HDAC8: variants seen among roughly 807,000 people sequenced by gnomAD.
HDAC8 encodes histone deacetylase 8.
In HDAC8, 1 loss-of-function variant was observed where a neutral mutation model predicts 32.2. The observed-to-expected ratio is 0.03, with a 90% CI of 0.01 to 0.15. The LOEUF is 0.15. Among genes scored for constraint, HDAC8 ranks in the 10% least tolerant of loss-of-function variants. The pLI, the probability that HDAC8 is intolerant of heterozygous loss-of-function variation, is 1.00. For missense variants in HDAC8, 117 were observed against 300.0 expected (o/e 0.39, Z 4.51); for synonymous variants, 108 against 113.9 (o/e 0.95, Z 0.33).
At chrX:72,477,988 C>T (rs2048385394) in intron 7 of HDAC8, among the ~76,000 whole-genome samples, 1 of 112,266 alleles carries the variant, frequency 8.9e-6, no homozygotes, top group African/African-American at 3.2e-5. Context: ...AATCCCAAAC[C>T]AATCAAGTGG....
At chrX:72,373,522 T>C (rs1286040412) in intron 9 of HDAC8, among the ~76,000 whole-genome samples, 1 of 112,690 alleles carries the variant, frequency 8.9e-6, no homozygotes, top group African/African-American at 3.2e-5. Context: ...TCAAAGTTCA[T>C]CCATATTGTA....
intron 9 of HDAC8, among the ~76,000 whole-genome samples, chrX:72,433,863 A>G (rs1404936825): frequency 8.9e-6 from 1 of 112,128 alleles, no homozygotes; most frequent in Non-Finnish European, 1.9e-5. Context: ...GGATTATACC[A>G]GTTTCATTGG....
At chrX:72,474,059 T>G in intron 7 of HDAC8, 24 of 678,696 alleles carry the variant, frequency 3.5e-5, no homozygotes, top group Non-Finnish European at 4.2e-5. Flanking sequence ...CCCTACAATC[T>G]CTGTATATTC....
chrX:72,519,781 G>A (rs782152848), intron 4 of HDAC8, among the ~76,000 whole-genome samples: 2 of 110,722 alleles, frequency 1.8e-5, no homozygotes, highest in East Asian at 5.7e-4. Context: ...GTAGAGATGG[G>A]GTTTCACCAC....
chrX:72,334,852 A>G (rs2043635639), intron 10 of HDAC8, among the ~76,000 whole-genome samples: 2 of 111,811 alleles, frequency 1.8e-5, no homozygotes, highest in South Asian at 7.5e-4. Flanking sequence ...TCTGATGTAC[A>G]AGAAGGAGTA....
chrX:72,356,061 C>T (rs893152924), intron 9 of HDAC8, among the ~76,000 whole-genome samples: 1 of 112,263 alleles, frequency 8.9e-6, no homozygotes, highest in Non-Finnish European at 1.9e-5. Context: ...ACTTAATTCT[C>T]ACAACCAACC....
At chrX:72,427,225 G>A (rs1347614330) in intron 9 of HDAC8, among the ~76,000 whole-genome samples, 5 of 110,804 alleles carry the variant, frequency 4.5e-5, no homozygotes, top group Non-Finnish European at 9.5e-5. Flanking sequence ...CATACCATTT[G>A]ACCCAGCCAT....
intron 6 of HDAC8, among the ~76,000 whole-genome samples, chrX:72,490,593 G>A (rs1178604069): frequency 1.2e-5 from 1 of 85,057 alleles, no homozygotes; most frequent in African/African-American, 4.4e-5. Context: ...TCACACTCTG[G>A]GGACTGTTGC....
At chrX:72,393,402 G>A (rs1204434731) in intron 9 of HDAC8, among the ~76,000 whole-genome samples, 1 of 112,052 alleles carries the variant, frequency 8.9e-6, no homozygotes, top group Non-Finnish European at 1.9e-5. Context: ...TACTGATAGC[G>A]TGAACAAACC....
chrX:72,457,879 A>G (rs782020560), intron 9 of HDAC8, among the ~76,000 whole-genome samples: 1 of 111,416 alleles, frequency 9.0e-6, no homozygotes, highest in Non-Finnish European at 1.9e-5. Context: ...TTTAATGGCT[A>G]CATATGTTCC....
intron 7 of HDAC8, among the ~76,000 whole-genome samples, chrX:72,486,863 C>T (rs1296178689): frequency 8.9e-6 from 1 of 111,858 alleles, no homozygotes; most frequent in African/African-American, 3.2e-5. Flanking sequence ...CAGGAAGCCT[C>T]CTTGGTACCC....
At chrX:72,489,263 C>T in intron 6 of HDAC8, 4 of 484,964 alleles carry the variant, frequency 8.2e-6, no homozygotes, top group Non-Finnish European at 1.5e-5. Context: ...GAGATTAACT[C>T]CTTTGCTTGG....
chrX:72,482,722 C>G (rs1337386823), intron 7 of HDAC8, among the ~76,000 whole-genome samples: 1 of 111,273 alleles, frequency 9.0e-6, no homozygotes, highest in Non-Finnish European at 1.9e-5. Context: ...ACTTTGGGGA[C>G]AATATAGTCA....
rs145180181 is a variant in HDAC8, at chrX:72,505,292, C to A, written c.438-10024G>T. 8.7e-3 allele frequency among the ~76,000 whole-genome samples: 964 copies of A among 110,824 alleles called. 17 individuals carry two copies. Among genetic ancestry groups the A allele is most frequent in the African/African-American group, 0.03 (909 of 30,484 alleles). ...TTTTTCTTTTGTTTTTTGAGACCAG[C>A]CTTATTTTGCGTTCAAGAATAATCT... On this transcript the variant is annotated intron_variant, in intron 4 of 10. Coordinates refer to ENST00000373573, the MANE Select transcript of HDAC8 (RefSeq NM_018486.3).
intron 9 of HDAC8, among the ~76,000 whole-genome samples, chrX:72,452,474 A>C (rs2047597138): frequency 9.0e-6 from 1 of 111,201 alleles, no homozygotes; most frequent in African/African-American, 3.3e-5. Context: ...AAACAAACAA[A>C]AACCAACCAA....
chrX:72,374,810 C>CTT (rs782179373), intron 9 of HDAC8, among the ~76,000 whole-genome samples: 2 of 97,853 alleles, frequency 2.0e-5, no homozygotes, highest in African/African-American at 3.7e-5. Context: ...TTCTTTCTTT[C>CTT]TTTTTTTTTT....
intron 4 of HDAC8, among the ~76,000 whole-genome samples, chrX:72,540,692 G>C (rs1379986861): frequency 8.9e-6 from 1 of 111,741 alleles, no homozygotes; most frequent in African/African-American, 3.3e-5. Context: ...TTTGATATCT[G>C]TCAAGATATT....
chrX:72,380,402 G>A (rs1308712701), intron 9 of HDAC8, among the ~76,000 whole-genome samples: 3 of 112,064 alleles, frequency 2.7e-5, no homozygotes, highest in Non-Finnish European at 3.8e-5. Flanking sequence ...TAATTGTTCA[G>A]AAATGAGGCT....
At chrX:72,368,405 G>A (rs1159922614) in intron 9 of HDAC8, among the ~76,000 whole-genome samples, 1 of 104,834 alleles carries the variant, frequency 9.5e-6, no homozygotes, top group Non-Finnish European at 2.0e-5. Flanking sequence ...TCGCCAGGCT[G>A]GAGTGCAGTG....
Sources: gnomAD v4.1 joint callset for allele counts (sites outside exome capture counted in the v4.1 genomes callset) on GRCh38, gnomAD v4.1.1 for gene constraint, MANE v1.5 for transcripts, NCBI Gene and HGNC (gene_info 2026-07-23, HGNC 2026-07-21) for gene names.